Variants in SYNPR observed in about 807,000 individuals in gnomAD.
The protein encoded by SYNPR is synaptoporin.
SYNPR carries 23 observed loss-of-function variants against 32.9 expected under a neutral mutation model. The observed-to-expected ratio is 0.70, with a 90% CI of 0.50 to 0.99. The LOEUF is 0.99. Among genes scored for constraint, SYNPR ranks in the 50% least tolerant of loss-of-function variants. SYNPR has a pLI of 0.00. For missense variants in SYNPR, 318 were observed against 349.3 expected (o/e 0.91, Z 0.71); for synonymous variants, 146 against 135.9 (o/e 1.07, Z -0.52).
At chr3:63,240,154 A>G (rs1008498028) in intron 1 of SYNPR, among the ~76,000 whole-genome samples, 1 of 152,134 alleles carries the variant, frequency 6.6e-6, no homozygotes, top group East Asian at 1.9e-4. Flanking sequence ...AACACATTAG[A>G]GACTTAACAT....
At chr3:63,290,141 A>AAAAAAATT (rs11280661) in intron 2 of SYNPR, among the ~76,000 whole-genome samples, 1 of 145,450 alleles carries the variant, frequency 6.9e-6, no homozygotes, top group Admixed American at 6.8e-5. Flanking sequence ...AAAAACAAAA[A>AAAAAAATT]AACTCCTTTT....
intron 2 of SYNPR, among the ~76,000 whole-genome samples, chr3:63,464,891 ACT>A (rs1285440382): frequency 6.6e-6 from 1 of 151,968 alleles, no homozygotes; most frequent in Non-Finnish European, 1.5e-5. Context: ...TAAAAAGGTG[ACT>A]CTGTCTTTTA....
intron 2 of SYNPR, among the ~76,000 whole-genome samples, chr3:63,338,199 G>A (rs2087318870): frequency 6.6e-6 from 1 of 152,144 alleles, no homozygotes; most frequent in Admixed American, 6.5e-5. Context: ...AAGTTTATTT[G>A]TTTAAAGGAA....
Position 63,556,678 on chromosome 3 carries a change from T to C in SYNPR, c.345T>C (p.Ala115=), listed in dbSNP as rs1038948025. The C allele has an allele frequency of 1.9e-6, 3 of 1,613,894 alleles. No homozygotes were observed. Among genetic ancestry groups the C allele is most frequent in the Non-Finnish European group, 2.5e-6 (3 of 1,179,834 alleles). ...TCTTCGCCTTCCTCTACTCTTTGGCTGCCACTGTCGTTTACATTTTCTTCC... is the reference window on the plus strand; with the variant it reads ...TCTTCGCCTTCCTCTACTCTTTGGCCGCCACTGTCGTTTACATTTTCTTCC... ...VAVFAFLYSL[A]ATVVYIFFQN... Residue 115 remains alanine (A), a synonymous_variant, in exon 4 of 6, where the codon GCT becomes GCC. Transcript: ENST00000478300.
At chr3:63,496,897 T>C (rs1046393792) in intron 3 of SYNPR, among the ~76,000 whole-genome samples, 2 of 152,158 alleles carry the variant, frequency 1.3e-5, no homozygotes, top group African/African-American at 4.8e-5. Flanking sequence ...CCAGGCACTA[T>C]GCTTGGCAAT....
intron 3 of SYNPR, among the ~76,000 whole-genome samples, chr3:63,509,551 G>T (rs1701656175): frequency 6.6e-6 from 1 of 151,812 alleles, no homozygotes; most frequent in African/African-American, 2.4e-5. Context: ...TTGATTTGGA[G>T]TTGCTAACTA....
intron 2 of SYNPR, among the ~76,000 whole-genome samples, chr3:63,328,788 G>T (rs984771172): frequency 6.6e-6 from 1 of 152,048 alleles, no homozygotes; most frequent in Admixed American, 6.5e-5. Context: ...CACATTTATT[G>T]GTGGCTTCTG....
chr3:63,225,225 C>G (rs2086119830), upstream of SYNPR, among the ~76,000 whole-genome samples: 1 of 152,158 alleles, frequency 6.6e-6, no homozygotes. Flanking sequence ...GACACAGCAT[C>G]AATAAGTGTC....
At chr3:63,491,665 C>G (rs946356229) in intron 3 of SYNPR, among the ~76,000 whole-genome samples, 1 of 152,056 alleles carries the variant, frequency 6.6e-6, no homozygotes, top group Admixed American at 6.6e-5. Flanking sequence ...GGAGTACAGG[C>G]ACACACCACC....
chr3:63,369,023 T>C (rs2087764293), intron 2 of SYNPR, among the ~76,000 whole-genome samples: 1 of 152,222 alleles, frequency 6.6e-6, no homozygotes, highest in Non-Finnish European at 1.5e-5. Context: ...CAATTTGATG[T>C]CTTAACCCCC....
At chr3:63,441,737 G>A (rs1700180447) in intron 2 of SYNPR, among the ~76,000 whole-genome samples, 1 of 152,142 alleles carries the variant, frequency 6.6e-6, no homozygotes, top group African/African-American at 2.4e-5. Flanking sequence ...AGGGGCCATG[G>A]GGCATGTACA....
chr3:63,463,644 G>T (rs755356312), intron 2 of SYNPR, among the ~76,000 whole-genome samples: 2 of 152,030 alleles, frequency 1.3e-5, no homozygotes, highest in Non-Finnish European at 2.9e-5. Flanking sequence ...CACCATGTCC[G>T]CATGACAATT....
At chr3:63,230,646 C>A (rs1467271350) in intron 1 of SYNPR, among the ~76,000 whole-genome samples, 1 of 152,160 alleles carries the variant, frequency 6.6e-6, no homozygotes, top group Non-Finnish European at 1.5e-5. Flanking sequence ...TGGACTTTGC[C>A]TACCGGGATT....
chr3:63,239,630 A>G (rs1056191489), intron 1 of SYNPR, among the ~76,000 whole-genome samples: 1 of 150,714 alleles, frequency 6.6e-6, no homozygotes, highest in Non-Finnish European at 1.5e-5. Flanking sequence ...CAAGTGTATC[A>G]CACACCCATC....
rs530345927 is a variant in SYNPR at position 63,487,235 on chromosome 3, C to A, written c.209+6279C>A. On this transcript the variant is annotated intron_variant, in intron 3 of 5. Coordinates refer to ENST00000478300, the MANE Select transcript of SYNPR (RefSeq NM_001130003.2). ...TTAAAGCTGAAGCAATGTAGTGTAG[C>A]TTGGACTCTAGAGACAGACTACATA... is the stretch of plus-strand genomic sequence containing the variant. Among the ~76,000 whole-genome samples the A allele has an allele frequency of 8.5e-5, 13 of 152,256 alleles. No individual in the cohort carries two copies. In the South Asian group the frequency reaches 2.7e-3, roughly 32 times the overall value.
At chr3:63,349,646 G>A (rs539933260) in intron 2 of SYNPR, among the ~76,000 whole-genome samples, 23 of 152,228 alleles carry the variant, frequency 1.5e-4, no homozygotes, top group Non-Finnish European at 1.9e-4. Context: ...CTGATTTTGT[G>A]TATGTTGATT....
At chr3:63,254,547 G>C (rs994940329) in intron 2 of SYNPR, among the ~76,000 whole-genome samples, 2 of 152,096 alleles carry the variant, frequency 1.3e-5, no homozygotes, top group African/African-American at 4.8e-5. Flanking sequence ...AAAATTTATT[G>C]AGCACTGAGT....
intron 4 of SYNPR, among the ~76,000 whole-genome samples, chr3:63,569,898 A>G (rs1193496511): frequency 6.6e-6 from 1 of 152,186 alleles, no homozygotes; most frequent in East Asian, 1.9e-4. Context: ...AACCCAGCAG[A>G]TGGTCAGGGA....
chr3:63,468,172 C>T (rs1049720227), intron 2 of SYNPR, among the ~76,000 whole-genome samples: 3 of 103,062 alleles, frequency 2.9e-5, no homozygotes, highest in African/African-American at 1.2e-4. Flanking sequence ...CCAGCCTGGG[C>T]AACAAGAGCA....
Sources: gnomAD v4.1 joint callset for allele counts (sites outside exome capture counted in the v4.1 genomes callset) on GRCh38, gnomAD v4.1.1 for gene constraint, MANE v1.5 for transcripts, NCBI Gene and HGNC (gene_info 2026-07-23, HGNC 2026-07-21) for gene names.